Variants in FRMD3 observed in about 807,000 individuals in gnomAD.
FRMD3 encodes FERM domain-containing protein 3.
Under a neutral mutation model 70.2 loss-of-function variants are expected in FRMD3, and 33 were observed. That is an observed-to-expected ratio of 0.47 (90% CI 0.36 to 0.63). FRMD3 has a LOEUF of 0.63. Among genes scored for constraint, FRMD3 ranks in the 20% least tolerant of loss-of-function variants. The pLI is 0.00. For synonymous variants in FRMD3, 279 were observed against 255.9 expected, an observed-to-expected ratio of 1.09 and a Z score of -0.86; for missense variants, 632 against 711.4, an observed-to-expected ratio of 0.89 and a Z score of 1.27.
At chr9:83,275,503 G>A (rs758417940) in intron 13 of FRMD3, among the ~76,000 whole-genome samples, 2 of 152,090 alleles carry the variant, frequency 1.3e-5, no homozygotes, top group Admixed American at 6.6e-5. Context: ...CCTCCTCCCC[G>A]ACCTGCAGAT....
rs189874250 is a variant in FRMD3 at position 83,393,247 on chromosome 9, T to C, written c.148-3539A>G. On this transcript the variant is annotated intron_variant, in intron 1 of 13. Coordinates refer to ENST00000304195, the MANE Select transcript of FRMD3 (RefSeq NM_174938.6). ...GTACACTGTGACTTGATTCTTTTTATAAATACTGTACTAAAATAATGTGAA... is the reference window on the plus strand; with the variant it reads ...GTACACTGTGACTTGATTCTTTTTACAAATACTGTACTAAAATAATGTGAA... 1.0e-3 allele frequency among the ~76,000 whole-genome samples: 158 copies of C among 152,340 alleles called. 2 individuals carry two copies. In the East Asian group the frequency reaches 0.02, roughly 20 times the overall value.
chr9:83,409,610 G>A (rs1826223146), intron 1 of FRMD3, among the ~76,000 whole-genome samples: 1 of 152,214 alleles, frequency 6.6e-6, no homozygotes, highest in Admixed American at 6.5e-5. Context: ...TTCTTAATAA[G>A]AGCAAACATT....
chr9:83,424,225 A>T (rs1434131606), intron 1 of FRMD3, among the ~76,000 whole-genome samples: 1 of 152,198 alleles, frequency 6.6e-6, no homozygotes, highest in Non-Finnish European at 1.5e-5. Flanking sequence ...CTGAATGGTA[A>T]ACATGTCTCC....
At chr9:83,570,383 A>G in the FRMD3 span, among the ~76,000 whole-genome samples, 1 of 152,232 alleles carries the variant, frequency 6.6e-6, no homozygotes, top group Non-Finnish European at 1.5e-5. Flanking sequence ...AGAAATTGCC[A>G]TCTTGGAGGT....
chr9:83,580,622 A>G, the FRMD3 span, among the ~76,000 whole-genome samples: 1 of 152,132 alleles, frequency 6.6e-6, no homozygotes, highest in South Asian at 2.1e-4. Flanking sequence ...TATGGGGATC[A>G]AGAGAATGAA....
chr9:83,451,031 C>T (rs755276464), intron 1 of FRMD3, among the ~76,000 whole-genome samples: 11 of 152,160 alleles, frequency 7.2e-5, no homozygotes, highest in Non-Finnish European at 7.3e-5. Flanking sequence ...CCGAGAGCAA[C>T]GAACACGAGT....
At chr9:83,452,604 C>T (rs962271161) in intron 1 of FRMD3, among the ~76,000 whole-genome samples, 37 of 151,762 alleles carry the variant, frequency 2.4e-4, no homozygotes, top group Admixed American at 2.4e-3. Context: ...GCCTCAGCCT[C>T]CCAAGCAGCT....
At chr9:83,315,328 T>G (rs190903002) in intron 6 of FRMD3, among the ~76,000 whole-genome samples, 1 of 152,176 alleles carries the variant, frequency 6.6e-6, no homozygotes, top group African/African-American at 2.4e-5. Flanking sequence ...TTATATTTGA[T>G]GTATCAGCCT....
At chr9:83,294,967 T>C (rs10117251) in intron 12 of FRMD3, among the ~76,000 whole-genome samples, 75,557 of 151,948 alleles carry the variant, frequency 0.5, 20,623 homozygotes, top group South Asian at 0.7. Context: ...CTGAGGTCCC[T>C]CCAGGCCAGG....
At chr9:83,333,049 A>G (rs949906561) in intron 6 of FRMD3, among the ~76,000 whole-genome samples, 3 of 152,226 alleles carry the variant, frequency 2.0e-5, no homozygotes, top group Admixed American at 2.0e-4. Flanking sequence ...CAGTCCCTGT[A>G]GCAGGTTTCC....
intron 1 of FRMD3, among the ~76,000 whole-genome samples, chr9:83,452,258 G>C (rs1827680729): frequency 6.6e-6 from 1 of 152,196 alleles, no homozygotes; most frequent in African/African-American, 2.4e-5. Context: ...TCTATACTCA[G>C]AATGAGTTGG....
chr9:83,575,554 T>C, the FRMD3 span, among the ~76,000 whole-genome samples: 19,133 of 152,090 alleles, frequency 0.13, 1,267 homozygotes, highest in Middle Eastern at 0.21. Context: ...TCTCCCACTA[T>C]AAACTATGGA....
intron 1 of FRMD3, among the ~76,000 whole-genome samples, chr9:83,413,061 T>A (rs943887337): frequency 6.6e-6 from 1 of 151,692 alleles, no homozygotes; most frequent in Non-Finnish European, 1.5e-5. Flanking sequence ...AAAAATATGG[T>A]TCTAATAAAA....
At chr9:83,333,714 C>T (rs577445532) in intron 6 of FRMD3, among the ~76,000 whole-genome samples, 33 of 152,278 alleles carry the variant, frequency 2.2e-4, no homozygotes, top group African/African-American at 7.2e-4. Context: ...TGGTGATCAC[C>T]GTGAAACACC....
intron 7 of FRMD3, 75 bp downstream of exon 7, chr9:83,313,575 AAGGCTCTGCC>A (rs1360366516): frequency 9.4e-7 from 1 of 1,060,384 alleles, no homozygotes; most frequent in African/African-American, 1.6e-5. Flanking sequence ...AAGATTTAAC[AAGGCTCTGCC>A]AGGCCTGCGC....
intron 2 of FRMD3, among the ~76,000 whole-genome samples, chr9:83,378,956 G>GA (rs1825274910): frequency 6.7e-6 from 1 of 149,498 alleles, no homozygotes. Context: ...TCAAACTCCT[G>GA]ACCTCAAGTG....
intron 6 of FRMD3, among the ~76,000 whole-genome samples, chr9:83,334,208 CAA>C (rs1356055200): frequency 6.6e-6 from 1 of 152,060 alleles, no homozygotes; most frequent in East Asian, 1.9e-4. Flanking sequence ...TCCAAAATAG[CAA>C]AAGAGTAGTG....
At chr9:83,543,313 A>C (rs1382845325), upstream of FRMD3, among the ~76,000 whole-genome samples, 1 of 152,022 alleles carries the variant, frequency 6.6e-6, no homozygotes, top group East Asian at 1.9e-4. Context: ...TTGGGGTCCC[A>C]TGGAAAGGGT....
intron 13 of FRMD3, among the ~76,000 whole-genome samples, chr9:83,275,250 G>A (rs1035652500): frequency 7.2e-5 from 11 of 152,158 alleles, no homozygotes; most frequent in Non-Finnish European, 1.6e-4. Context: ...CACTATGCCT[G>A]GGATTCCGAC....
Sources: gnomAD v4.1 joint callset for allele counts (sites outside exome capture counted in the v4.1 genomes callset) on GRCh38, gnomAD v4.1.1 for gene constraint, MANE v1.5 for transcripts, NCBI Gene and HGNC (gene_info 2026-07-23, HGNC 2026-07-21) for gene names.